The following COQ7 variants were observed in gnomAD, a reference collection of about 807,000 sequenced individuals.
COQ7 encodes NADPH-dependent 3-demethoxyubiquinone 3-hydroxylase, mitochondrial.
A neutral mutation model predicts 25.0 loss-of-function variants in COQ7; 21 were observed. That is an observed-to-expected ratio of 0.84 (90% CI 0.60 to 1.21). The LOEUF (loss-of-function observed/expected upper bound fraction) is 1.21. Ranked by LOEUF, COQ7 falls within the 50% of genes most tolerant of loss-of-function variation. The pLI is 0.00. For missense variants in COQ7, 311 were observed against 296.2 expected (o/e 1.05, Z -0.37); for synonymous variants, 125 against 112.4 (o/e 1.11, Z -0.71).
At chr16:19,077,905 C>G (rs999267098) in intron 5 of COQ7, among the ~76,000 whole-genome samples, 176 bp from the exon 6 acceptor site, 1 of 152,056 alleles carries the variant, frequency 6.6e-6, no homozygotes, top group African/African-American at 2.4e-5. Context: ...AATGCTTTGG[C>G]AGTAGTAGCA....
intron 1 of COQ7, 82 bp downstream of exon 1, chr16:19,067,819 C>A (rs1567537959): frequency 6.5e-7 from 1 of 1,545,072 alleles, no homozygotes; most frequent in South Asian, 1.2e-5. Context: ...TCGAAGAGGT[C>A]ACGGGGGAGA....
intron 1 of COQ7, chr16:19,068,396 A>G: frequency 1.0e-6 from 1 of 989,566 alleles, no homozygotes; most frequent in Non-Finnish European, 1.2e-6. Flanking sequence ...TCCGGCCTAT[A>G]ATCTCAGCAC....
At chr16:19,070,036 A>AAGCAATCCTCCCACCTTG (rs1439847569) in intron 1 of COQ7, among the ~76,000 whole-genome samples, 1 of 150,030 alleles carries the variant, frequency 6.7e-6, no homozygotes, top group East Asian at 2.0e-4. Flanking sequence ...CACCTGCCTC[A>AAGCAATCCTCCCACCTTG]GCTTCCCAAA....
chr16:19,079,567 G>A lies in COQ7; in HGVS notation c.*1409G>A, dbSNP rs1451759254. ...ATTAAACTTTTTTTTTTCAGTTTAT[G>A]GACCAAGAGTTTTGATTTATTTAGG... is the stretch of plus-strand genomic sequence containing the variant. On this transcript the variant is annotated 3_prime_UTR_variant, in exon 6 of 6. Transcript: ENST00000321998. 6.6e-6 allele frequency: 1 copy of A among 151,758 alleles called. No individual in the cohort carries two copies. Among genetic ancestry groups the A allele is most frequent in the East Asian group, 1.9e-4 (1 of 5,184 alleles). 9.4% of individuals were successfully genotyped at this position (151,758 alleles called of 1,614,324 possible). A position where few individuals can be genotyped will look rare whatever the true frequency, so the allele number is the denominator to read the frequency against.
chr16:19,067,771 G>C (rs1305566127), intron 1 of COQ7, 34 bp downstream of exon 1: 2 of 1,585,556 alleles, frequency 1.3e-6, no homozygotes, highest in Non-Finnish European at 8.5e-7. Flanking sequence ...GTCCTGCGCC[G>C]GTCTAGCGAG....
rs374592582 is a variant in COQ7, at chr16:19,076,122, C to T, written c.507+262C>T. Among the ~76,000 whole-genome samples, 46 of 152,058 alleles carry T rather than the reference C, an allele frequency of 3.0e-4. 1 individual carries two copies. Among genetic ancestry groups the T allele is most frequent in the African/African-American group, 1.1e-3 (46 of 41,470 alleles). On this transcript the variant is annotated intron_variant, in intron 4 of 5. Coordinates refer to ENST00000321998, the MANE Select transcript of COQ7 (RefSeq NM_016138.5). ...TTTATTTAGAGATGAGGTCTTGCTC[C>T]GTTGCCCAGGCCGGAGTACAGTGGC...
At chr16:19,067,881 TC>T in intron 1 of COQ7, 144 bp downstream of exon 1, 1 of 1,493,460 alleles carries the variant, frequency 6.7e-7, no homozygotes, top group Non-Finnish European at 8.8e-7. Context: ...GACTTCGGCC[TC>T]CGGGGCGCTG....
At chr16:19,069,215 G>T (rs1281909791) in intron 1 of COQ7, among the ~76,000 whole-genome samples, 1 of 152,118 alleles carries the variant, frequency 6.6e-6, no homozygotes, top group Non-Finnish European at 1.5e-5. Context: ...ATATGGTAAT[G>T]CAGGCAAAAC....
In COQ7 at chr16:19,072,068, G is replaced by A. The variant is rs1220561949; in HGVS notation, c.214G>A (p.Ala72Thr). 1 of 1,614,072 alleles carries A rather than the reference G, an allele frequency of 6.2e-7. No homozygotes were observed. Among genetic ancestry groups the A allele is most frequent in the Non-Finnish European group, 8.5e-7 (1 of 1,180,048 alleles). The change falls in exon 2 of 6, where the codon GCT becomes ACT. Residue 72 changes from alanine to threonine, a missense_variant. By Grantham distance (58) the Ala-to-Thr change is moderately conservative (BLOSUM62 0). Transcript: ENST00000321998. ...GANRIYAGQM[A>T]VLGRTSVGPV... is the part of the protein sequence containing the mutation. ...AAACCGCATCTATGCCGGGCAGATGGCTGTCCTGGGTCGGACCAGCGTCGG... is the reference window on the plus strand; with the variant it reads ...AAACCGCATCTATGCCGGGCAGATGACTGTCCTGGGTCGGACCAGCGTCGG...
Position 19,067,676 on chromosome 16 carries a change from C to T in COQ7, c.12C>T (p.Ala4=), listed in dbSNP as rs762220139. Residue 4 remains alanine (A), a synonymous_variant, in exon 1 of 6, where the codon GCC becomes GCT. Transcript: ENST00000321998. The stretch of plus-strand genomic sequence containing the variant: ...TTTTAGTTCCGGCAATGAGTTGCGC[C>T]GGGGCGGCGGCGGCTCCCCGCCTTT... MSC[A]GAAAAPRLWR... 34 of 1,612,008 alleles carry T rather than the reference C, an allele frequency of 2.1e-5. No individual in the cohort carries two copies. The highest frequency in any genetic ancestry group is 5.5e-5 in the South Asian group (5 of 91,054).
At chr16:19,077,589 G>GTTTTTTTTTTTTTTTTT (rs1413837387) in intron 5 of COQ7, among the ~76,000 whole-genome samples, 6 of 18,606 alleles carry the variant, frequency 3.2e-4, no homozygotes, top group African/African-American at 6.2e-4. Context: ...TTCCCCAGAA[G>GTTTTTTTTTTTTTTTTT]CTTTTTTTTT....
Position 19,067,728 on chromosome 16 carries a change from T to A in COQ7, c.64T>A (p.Ser22Thr). 1 of 1,604,692 alleles carries A rather than the reference T, an allele frequency of 6.2e-7. No individual in the cohort carries two copies. Among genetic ancestry groups the A allele is most frequent in the Non-Finnish European group, 8.5e-7 (1 of 1,178,112 alleles). The stretch of plus-strand genomic sequence containing the variant: ...GCGGCTGCGCCCGGGGGCCCGGCGG[T>A]CCCTCTCAGGTAAAAGGAGGCGCGC... ...LWRLRPGARR[S>T]LSAYGRRTSV... The change falls in exon 1 of 6, where the codon TCC (serine) becomes ACC (threonine). Residue 22 changes from serine (S) to threonine (T), a missense_variant. Physicochemically the swap from Ser to Thr is moderately conservative, Grantham distance 58 (BLOSUM62 1). Coordinates refer to ENST00000321998, the MANE Select transcript of COQ7 (RefSeq NM_016138.5).
At chr16:19,082,304 G>A (rs779483990), downstream of COQ7, among the ~76,000 whole-genome samples, 27 of 152,258 alleles carry the variant, frequency 1.8e-4, no homozygotes, top group Admixed American at 2.0e-4. Context: ...CAATGTGAAT[G>A]TACTTAATGT....
At chr16:19,072,885 T>A (rs1962633892) in intron 2 of COQ7, among the ~76,000 whole-genome samples, 1 of 152,272 alleles carries the variant, frequency 6.6e-6, no homozygotes, top group Non-Finnish European at 1.5e-5. Flanking sequence ...TAAATAATAT[T>A]CAGGGCCGGG....
downstream of COQ7, among the ~76,000 whole-genome samples, chr16:19,080,769 G>T (rs1184497324): frequency 6.6e-6 from 1 of 152,024 alleles, no homozygotes; most frequent in African/African-American, 2.4e-5. Flanking sequence ...ATTATGTTAA[G>T]TTATTGTAAA....
downstream of COQ7, among the ~76,000 whole-genome samples, chr16:19,082,613 G>A (rs1024610966): frequency 2.0e-5 from 3 of 151,938 alleles, no homozygotes; most frequent in Non-Finnish European, 4.4e-5. Context: ...GTGAAACCCC[G>A]TCTCTACTAA....
chr16:19,080,611 G>T (rs1276476366), downstream of COQ7, among the ~76,000 whole-genome samples: 2 of 151,988 alleles, frequency 1.3e-5, no homozygotes, highest in Non-Finnish European at 2.9e-5. Context: ...AATTACATGG[G>T]ATTGCCAAAA....
chr16:19,073,820 C>T, intron 2 of COQ7, 101 bp from the exon 3 acceptor site: 1 of 765,950 alleles, frequency 1.3e-6, no homozygotes, highest in African/African-American at 1.7e-5. Flanking sequence ...ACAGCAGTTC[C>T]ATCATTTTCT....
intron 5 of COQ7, 104 bp from the exon 6 acceptor site, chr16:19,077,977 A>G (rs1021846997): frequency 1.0e-4 from 78 of 764,722 alleles, no homozygotes; most frequent in African/African-American, 2.0e-4. Context: ...CCTTAGATCT[A>G]TTTCTTATCC....
Sources: allele counts gnomAD v4.1 joint callset (sites outside exome capture counted in the v4.1 genomes callset), GRCh38; gene constraint gnomAD v4.1.1; transcripts MANE v1.5; gene names NCBI Gene and HGNC (gene_info 2026-07-23, HGNC 2026-07-21).